Variants in TENT4B observed in about 807,000 individuals in gnomAD.
The protein encoded by TENT4B is PAP associated domain containing 5.
Under a neutral mutation model 75.0 loss-of-function variants are expected in TENT4B, and 10 were observed. The observed-to-expected ratio is 0.13, with a 90% CI of 0.08 to 0.23. The LOEUF (loss-of-function observed/expected upper bound fraction) is 0.23, where lower values mean the gene tolerates loss of function less well. TENT4B is among the 10% of genes least tolerant of loss of function. TENT4B has a pLI of 1.00. For missense variants in TENT4B, 579 were observed against 893.8 expected (o/e 0.65, Z 4.49); for synonymous variants, 350 against 357.7 (o/e 0.98, Z 0.24).
intron 1 of TENT4B, among the ~76,000 whole-genome samples, chr16:50,189,265 C>T (rs1217514944): frequency 1.3e-5 from 2 of 152,028 alleles, no homozygotes; most frequent in African/African-American, 4.8e-5. Context: ...TTATATGACC[C>T]TGGAGTACCT....
At chr16:50,221,342 C>T (rs147021989) in intron 5 of TENT4B, among the ~76,000 whole-genome samples, 52 of 152,284 alleles carry the variant, frequency 3.4e-4, no homozygotes, top group African/African-American at 6.0e-4. Flanking sequence ...TGTTTCCCTC[C>T]GTGGCCCCAG....
intron 1 of TENT4B, among the ~76,000 whole-genome samples, chr16:50,197,400 T>A (rs978473032): frequency 6.6e-6 from 1 of 152,200 alleles, no homozygotes; most frequent in East Asian, 1.9e-4. Flanking sequence ...GTGATTTTCC[T>A]GCCTCAGCCT....
chr16:50,183,236 G>GT (rs1353534869), intron 1 of TENT4B, among the ~76,000 whole-genome samples: 1 of 151,836 alleles, frequency 6.6e-6, no homozygotes, highest in Admixed American at 6.6e-5. Context: ...TAGAGACGGG[G>GT]TTCCTCCATG....
At chr16:50,201,449 A>C (rs1415497253) in intron 1 of TENT4B, among the ~76,000 whole-genome samples, 1 of 151,980 alleles carries the variant, frequency 6.6e-6, no homozygotes, top group Non-Finnish European at 1.5e-5. Flanking sequence ...AGGCATGAGA[A>C]TCGATTGAAC....
At chr16:50,181,646 C>T (rs2038418974) in intron 1 of TENT4B, among the ~76,000 whole-genome samples, 1 of 152,044 alleles carries the variant, frequency 6.6e-6, no homozygotes, top group Non-Finnish European at 1.5e-5. Context: ...AGCCACATTC[C>T]TACTGATGAA....
In TENT4B at chr16:50,223,082, A is replaced by G. The variant is rs1411198765; in HGVS notation, c.1168-92A>G. 6 of 1,079,716 alleles carry G rather than the reference A, an allele frequency of 5.6e-6. No individual in the cohort carries two copies. The East Asian group carries it at 7.3e-5, about 13-fold the overall frequency. The allele number at this position is 1,079,716 out of a possible 1,614,324, so 66.9% of individuals were successfully genotyped here. A position where few individuals can be genotyped will look rare whatever the true frequency, so the allele number is the denominator to read the frequency against. ...GCTATGCTAAACCAAAATTATAATAATATTGCTTGTAGAAGTTAGAATATA... is the reference window on the plus strand; with the variant it reads ...GCTATGCTAAACCAAAATTATAATAGTATTGCTTGTAGAAGTTAGAATATA... On this transcript the variant is annotated intron_variant, in intron 6 of 11. Transcript: ENST00000561678.
chr16:50,176,724 C>T (rs2038318743), intron 1 of TENT4B, among the ~76,000 whole-genome samples: 1 of 151,838 alleles, frequency 6.6e-6, no homozygotes, highest in African/African-American at 2.4e-5. Context: ...CCAGGCTGGT[C>T]TCAAACTCCT....
intron 1 of TENT4B, among the ~76,000 whole-genome samples, chr16:50,200,057 G>A (rs2030535548): frequency 6.6e-6 from 1 of 152,114 alleles, no homozygotes; most frequent in Admixed American, 6.5e-5. Context: ...TATGGTAAAA[G>A]TATGTTTAGT....
chr16:50,203,770 C>A (rs974470575), intron 1 of TENT4B, among the ~76,000 whole-genome samples: 1 of 152,100 alleles, frequency 6.6e-6, no homozygotes, highest in Non-Finnish European at 1.5e-5. Flanking sequence ...GTAGATGTCC[C>A]CCTGTGAACA....
intron 1 of TENT4B, among the ~76,000 whole-genome samples, chr16:50,183,435 T>C (rs1053405018): frequency 1.3e-5 from 2 of 152,082 alleles, no homozygotes; most frequent in African/African-American, 4.8e-5. Context: ...GATGTATGAC[T>C]GTGTTGGTTG....
intron 1 of TENT4B, among the ~76,000 whole-genome samples, chr16:50,175,845 C>T (rs1225913896): frequency 6.6e-6 from 1 of 151,688 alleles, no homozygotes; most frequent in Non-Finnish European, 1.5e-5. Flanking sequence ...ATAGTGACAC[C>T]ATCAAGGCTT....
chr16:50,155,272 G>GGGGTGTGTGTGTGTGTGTGTGTGT, intron 1 of TENT4B, among the ~76,000 whole-genome samples: 1 of 135,482 alleles, frequency 7.4e-6, no homozygotes, highest in African/African-American at 2.8e-5. Flanking sequence ...GGGTCTCGTG[G>GGGGTGTGTGTGTGTGTGTGTGTGT]GTGTGTGTGT....
intron 1 of TENT4B, among the ~76,000 whole-genome samples, chr16:50,187,055 A>T (rs1175036040): frequency 1.3e-5 from 2 of 152,056 alleles, no homozygotes; most frequent in Non-Finnish European, 2.9e-5. Flanking sequence ...GCCCCTGCAC[A>T]TGGCCTTTAC....
chr16:50,209,250 G>A (rs372596858), intron 1 of TENT4B, among the ~76,000 whole-genome samples: 3 of 152,124 alleles, frequency 2.0e-5, no homozygotes, highest in Admixed American at 6.5e-5. Flanking sequence ...AGCAGACTAC[G>A]CAATGAGATA....
chr16:50,231,090 A>G lies in TENT4B; in HGVS notation c.*1762A>G, dbSNP rs2032278830. ...TCATCACTGAAATTAACAATTTTCA[A>G]TATGTTCATATTTTAATTCACAATG... On this transcript the variant is annotated 3_prime_UTR_variant, in exon 12 of 12. Coordinates refer to ENST00000561678, the MANE Select transcript of TENT4B (RefSeq NM_001365324.3). The G allele has an allele frequency of 5.1e-6, 5 of 984,416 alleles. No individual in the cohort carries two copies. Among genetic ancestry groups the G allele is most frequent in the Non-Finnish European group, 4.8e-6 (4 of 828,716 alleles). The allele number at this position is 984,416 out of a possible 1,614,324, so 61.0% of individuals were successfully genotyped here. A position where few individuals can be genotyped will look rare whatever the true frequency, so the allele number is the denominator to read the frequency against.
At chr16:50,186,760 G>A (rs1383562691) in intron 1 of TENT4B, among the ~76,000 whole-genome samples, 2 of 151,698 alleles carry the variant, frequency 1.3e-5, no homozygotes, top group African/African-American at 2.4e-5. Context: ...TTTTTGAGAC[G>A]GAATCTCACT....
intron 1 of TENT4B, among the ~76,000 whole-genome samples, chr16:50,165,027 C>A (rs1156568116): frequency 1.3e-5 from 2 of 151,588 alleles, no homozygotes; most frequent in Non-Finnish European, 2.9e-5. Context: ...GCACTCCAGC[C>A]TGGGTGACAG....
chr16:50,172,052 A>G (rs2038216112), intron 1 of TENT4B, among the ~76,000 whole-genome samples: 1 of 151,486 alleles, frequency 6.6e-6, no homozygotes, highest in South Asian at 2.1e-4. Flanking sequence ...AAATAAATAA[A>G]TAAAAATACA....
chr16:50,178,384 A>G (rs1251252079), intron 1 of TENT4B, among the ~76,000 whole-genome samples: 1 of 152,018 alleles, frequency 6.6e-6, no homozygotes, highest in Admixed American at 6.6e-5. Flanking sequence ...GGTTGAGGCT[A>G]CATGAGCCAT....
Sources: gnomAD v4.1 joint callset for allele counts (sites outside exome capture counted in the v4.1 genomes callset) on GRCh38, gnomAD v4.1.1 for gene constraint, MANE v1.5 for transcripts, NCBI Gene and HGNC (gene_info 2026-07-23, HGNC 2026-07-21) for gene names.